The following MYLK variants were observed in gnomAD, a reference collection of about 807,000 sequenced individuals.
MYLK encodes myosin light chain kinase, smooth muscle.
MYLK carries 106 observed loss-of-function variants against 203.4 expected under a neutral mutation model. The ratio of observed to expected loss-of-function variants is 0.52; its 90% CI spans 0.45 to 0.61. The LOEUF (loss-of-function observed/expected upper bound fraction) is 0.61, where lower values mean the gene tolerates loss of function less well. Ranked by LOEUF, MYLK falls within the 20% of genes least tolerant of loss-of-function variation. The pLI is 0.00. For missense variants in MYLK, 2,072 were observed against 2,442.3 expected, an observed-to-expected ratio of 0.85 and a Z score of 3.20; for synonymous variants, 867 against 959.5, an observed-to-expected ratio of 0.90 and a Z score of 1.78.
intron 2 of MYLK, among the ~76,000 whole-genome samples, chr3:123,856,925 A>G (rs1455606724): frequency 6.6e-6 from 1 of 152,124 alleles, no homozygotes; most frequent in Non-Finnish European, 1.5e-5. Flanking sequence ...TCCAGAATCT[A>G]CAATGAACTC....
chr3:123,688,085 G>A (rs958390648), intron 19 of MYLK, among the ~76,000 whole-genome samples: 8 of 151,550 alleles, frequency 5.3e-5, no homozygotes, highest in East Asian at 3.9e-4. Flanking sequence ...AGTCTTCTTC[G>A]CAGGCCCCTG....
In MYLK at chr3:123,620,326, T is replaced by G. The variant is rs769749622; in HGVS notation, c.5249A>C (p.Asn1750Thr). ...MARRKWQKTG[N>T]AVRAIGRLSS... ...CAGTCTTCCAATGGCTCTCACAGCA[T>G]TGCCCGTTTTCTGGAAAATAGACAC... Residue 1750 changes from asparagine (N) to threonine (T), a missense_variant, in exon 32 of 34, where the codon AAT becomes ACT. Transcript: ENST00000360304. 3 of 1,614,162 alleles carry G rather than the reference T, an allele frequency of 1.9e-6. No homozygotes were observed. Among genetic ancestry groups the G allele is most frequent in the East Asian group, 4.5e-5 (2 of 44,882 alleles).
intron 1 of MYLK, among the ~76,000 whole-genome samples, chr3:123,881,780 A>C (rs1286278608): frequency 6.6e-6 from 1 of 152,166 alleles, no homozygotes; most frequent in Non-Finnish European, 1.5e-5. Context: ...ACCCCAGCGC[A>C]TTCACAATCT....
chr3:123,611,353 A>G lies in MYLK; in HGVS notation c.*2752T>C, dbSNP rs1043352527. On this transcript the variant is annotated 3_prime_UTR_variant, in exon 34 of 34. Coordinates refer to ENST00000360304, the MANE Select transcript of MYLK (RefSeq NM_053025.4). ...TCCTGATAACAAATTCTTCAATATG[A>G]AGGTATGGATAAAGCATTTGGCTGC... 6 of 152,214 alleles carry G rather than the reference A, an allele frequency of 3.9e-5. No individual in the cohort carries two copies. Among genetic ancestry groups the G allele is most frequent in the South Asian group, 4.1e-4 (2 of 4,832 alleles). The allele number at this position is 152,214 out of a possible 1,614,324, so 9.4% of individuals were successfully genotyped here.
At chr3:123,616,908 T>C (rs975979320) in intron 33 of MYLK, 5 of 152,208 alleles carry the variant, frequency 3.3e-5, no homozygotes, top group Non-Finnish European at 5.9e-5. Context: ...TATTCCTTTA[T>C]AGCAATGCAA....
At chr3:123,729,872 A>T (rs1195014051) in intron 11 of MYLK, among the ~76,000 whole-genome samples, 4 of 150,114 alleles carry the variant, frequency 2.7e-5, no homozygotes, top group Non-Finnish European at 4.4e-5. Context: ...ACAGAGTGAG[A>T]CCCTGTTTCA....
At chr3:123,764,556 T>A (rs2063641923) in intron 4 of MYLK, among the ~76,000 whole-genome samples, 1 of 152,122 alleles carries the variant, frequency 6.6e-6, no homozygotes, top group Non-Finnish European at 1.5e-5. Context: ...GAAGGTAAGT[T>A]GGTTATTTTC....
intron 30 of MYLK, among the ~76,000 whole-genome samples, chr3:123,628,811 C>A (rs1036946464): frequency 6.6e-6 from 1 of 152,214 alleles, no homozygotes; most frequent in Non-Finnish European, 1.5e-5. Flanking sequence ...TGCATGCTGA[C>A]CTCCCACTGT....
intron 2 of MYLK, among the ~76,000 whole-genome samples, chr3:123,857,120 T>C (rs1438110255): frequency 4.0e-5 from 6 of 151,850 alleles, no homozygotes; most frequent in African/African-American, 1.2e-4. Flanking sequence ...CCAGTTAGAA[T>C]GGCGATCATT....
intron 2 of MYLK, among the ~76,000 whole-genome samples, chr3:123,875,900 GT>G (rs1192705738): frequency 1.4e-4 from 21 of 152,176 alleles, no homozygotes; most frequent in Admixed American, 3.3e-4. Context: ...TTTTTTCAAA[GT>G]TTCCAGTTAA....
chr3:123,636,003 A>T (rs2058629150), intron 29 of MYLK, among the ~76,000 whole-genome samples: 1 of 152,192 alleles, frequency 6.6e-6, no homozygotes. Context: ...GTATGATTTC[A>T]TTGACATTAG....
At chr3:123,667,924 G>C (rs2059794027) in intron 20 of MYLK, among the ~76,000 whole-genome samples, 1 of 147,000 alleles carries the variant, frequency 6.8e-6, no homozygotes, top group African/African-American at 2.5e-5. Flanking sequence ...AGCTTCCTTT[G>C]GGTCACAGAC....
At chr3:123,779,718 C>T (rs991610207) in intron 4 of MYLK, among the ~76,000 whole-genome samples, 1 of 152,214 alleles carries the variant, frequency 6.6e-6, no homozygotes, top group African/African-American at 2.4e-5. Context: ...ACTATCAGGA[C>T]ATAAGTCTCT....
chr3:123,783,632 T>C (rs1464601799), intron 4 of MYLK, among the ~76,000 whole-genome samples: 1 of 151,854 alleles, frequency 6.6e-6, no homozygotes, highest in Non-Finnish European at 1.5e-5. Context: ...TCCTGTCTAC[T>C]GTTTACAAAA....
In MYLK at chr3:123,700,173, C is replaced by T. The variant is rs777804948; in HGVS notation, c.3295G>A (p.Ala1099Thr). 3 of 1,613,944 alleles carry T rather than the reference C, an allele frequency of 1.9e-6. No homozygotes were observed. The highest frequency in any genetic ancestry group is 2.5e-6 in the Non-Finnish European group (3 of 1,179,996). ...ACATCTTGCAGCTTCTGCTTGAAGG[C>T]TGGGGCTGTCCCCTGGCTCTCTGAT... is the stretch of plus-strand genomic sequence containing the variant. ...KRSESQGTAP[A>T]FKQKLQDVHV... The change falls in exon 18 of 34, where the codon GCC becomes ACC. Residue 1099 changes from alanine (A) to threonine (T), a missense_variant. Physicochemically the swap from Ala to Thr is moderately conservative, Grantham distance 58. This residue lies in a region of MYLK where 865 missense variants were observed against 1,016.0 expected (regional missense o/e 0.85). Coordinates refer to ENST00000360304, the MANE Select transcript of MYLK (RefSeq NM_053025.4).
chr3:123,709,868 C>T lies in MYLK; in HGVS notation c.1830G>A (p.Glu610=). The change falls in exon 14 of 34, where the codon GAG becomes GAA. Residue 610 remains glutamate (E), a synonymous_variant. Transcript: ENST00000360304. ...VHEKKSSRKS[E]YLLPVAPSKP... ...TGCTGGGAGCCACAGGCAGAAGGTA[C>T]TCACTCTTCCTGCTACTCTTCTTTT... 2 of 1,614,180 alleles carry T rather than the reference C, an allele frequency of 1.2e-6. No homozygotes were observed. Among genetic ancestry groups the T allele is most frequent in the Non-Finnish European group, 1.7e-6 (2 of 1,180,030 alleles).
Position 123,857,535 on chromosome 3 carries a change from A to G in MYLK, c.-127+19024T>C, listed in dbSNP as rs2031510390. Among the ~76,000 whole-genome samples, 3 of 151,846 alleles carry G rather than the reference A, an allele frequency of 2.0e-5. No individual in the cohort carries two copies. In the South Asian group the frequency reaches 6.2e-4, roughly 32 times the overall value. ...AATTGGAAATCATCATTCTCAGTAA[A>G]CTATCGTAAGAACAAAAAACCAAAC... On this transcript the variant is annotated intron_variant, in intron 2 of 33. Coordinates refer to ENST00000360304, the MANE Select transcript of MYLK (RefSeq NM_053025.4).
rs575772918 is a variant in MYLK, at chr3:123,852,429, G to A, written c.-126-20759C>T. On this transcript the variant is annotated intron_variant, in intron 2 of 33. Transcript: ENST00000360304. The stretch of plus-strand genomic sequence containing the variant: ...AGAGCCTGTTATTGGTCTATTCAGG[G>A]ATTCAACTTCTGCCTGGTTTAGTCT... 3.3e-5 allele frequency among the ~76,000 whole-genome samples: 5 copies of A among 152,264 alleles called. No homozygotes were observed. In the South Asian group the frequency reaches 1.0e-3, roughly 32 times the overall value.
chr3:123,722,085 C>T (rs776893191), intron 13 of MYLK, 43 bp downstream of exon 13: 2 of 1,552,878 alleles, frequency 1.3e-6, no homozygotes, highest in South Asian at 2.4e-5. Flanking sequence ...GCAGAAGTGC[C>T]TGCAGGAAAG....
Sources: gnomAD v4.1 joint callset for allele counts (sites outside exome capture counted in the v4.1 genomes callset) on GRCh38, gnomAD v4.1.1 for gene constraint, gnomAD v4.1.1 regional missense constraint, MANE v1.5 for transcripts, NCBI Gene and HGNC (gene_info 2026-07-23, HGNC 2026-07-21) for gene names.